The following RTN3 variants were observed in gnomAD, a reference collection of about 807,000 sequenced individuals.
RTN3 encodes the protein reticulon 3, also known as reticulon-3.
A neutral mutation model predicts 77.8 loss-of-function variants in RTN3; 49 were observed. That is an observed-to-expected ratio of 0.63 (90% CI 0.50 to 0.80). The LOEUF is 0.80. Among genes scored for constraint, RTN3 ranks in the 30% least tolerant of loss-of-function variants. The pLI is 0.00. For missense variants in RTN3, 1,236 were observed against 1,211.9 expected (o/e 1.02, Z -0.29); for synonymous variants, 464 against 446.9 (o/e 1.04, Z -0.48).
At chr11:63,722,008 C>G (rs1422209866) in intron 3 of RTN3, among the ~76,000 whole-genome samples, 1 of 152,112 alleles carries the variant, frequency 6.6e-6, no homozygotes, top group East Asian at 1.9e-4. Flanking sequence ...AACCCCTTCT[C>G]TTGTCTTTTA....
At chr11:63,750,427 G>A in intron 4 of RTN3, 2 of 522,184 alleles carry the variant, frequency 3.8e-6, no homozygotes, top group Non-Finnish European at 6.8e-6. Context: ...AGTTCAAAGA[G>A]GGAGTCCTTC....
chr11:63,729,562 A>G (rs997510321), intron 3 of RTN3, among the ~76,000 whole-genome samples: 7 of 150,766 alleles, frequency 4.6e-5, no homozygotes, highest in African/African-American at 1.7e-4. Context: ...GGCTCAAGCA[A>G]TCCTCGTGCC....
chr11:63,702,922 T>G (rs554914781), intron 1 of RTN3, among the ~76,000 whole-genome samples: 1 of 151,878 alleles, frequency 6.6e-6, no homozygotes, highest in East Asian at 1.9e-4. Flanking sequence ...CCTGACCTCG[T>G]GATCTGCCTG....
chr11:63,720,017 A>G lies in RTN3; in HGVS notation c.1515A>G (p.Ile505Met). The G allele has an allele frequency of 6.2e-7, 1 of 1,614,208 alleles. No individual in the cohort carries two copies. The highest frequency in any genetic ancestry group is 8.5e-7 in the Non-Finnish European group (1 of 1,180,030). ...CTGGTGAGTCTGATGACACAGTAAT[A>G]GAGGACATCACAGCAGATACATCAT... Reference protein sequence around the residue: ...DSSGESDDTVIEDITADTSFE... With the variant: ...DSSGESDDTVMEDITADTSFE... The change falls in exon 3 of 9, where the codon ATA becomes ATG. Residue 505 changes from isoleucine to methionine, a missense_variant. By Grantham distance (10) the Ile-to-Met change is conservative. Around this residue, in one of 3 missense-constraint regions of RTN3, gnomAD observed 1,056 missense variants for 990.4 expected, o/e 1.07. Transcript: ENST00000377819.
rs74682007 is a variant in RTN3 at position 63,703,288 on chromosome 11, G to A, written c.143-1563G>A. Among the ~76,000 whole-genome samples, 1,250 of 152,194 alleles carry A rather than the reference G, an allele frequency of 8.2e-3. 17 individuals are homozygous for A. Among genetic ancestry groups the A allele is most frequent in the African/African-American group, 0.029 (1,190 of 41,526 alleles). ...GACTTGAGCATCTTCAGATTTTGGT[G>A]GTGGGGGGTGGTGGTTTTAGAACCA... is the stretch of plus-strand genomic sequence containing the variant. On this transcript the variant is annotated intron_variant, in intron 1 of 8. Coordinates refer to ENST00000377819, the MANE Select transcript of RTN3 (RefSeq NM_001265589.2).
At position 63,752,036 on chromosome 11, in the gene RTN3, T is replaced by C. The variant is rs892289855; in HGVS notation, c.2739-471T>C. The stretch of plus-strand genomic sequence containing the variant: ...AAACCCCCAGTACCCTGTTTTTATG[T>C]GTTCTGGGCTGTTAATTACAAATAC... On this transcript the variant is annotated intron_variant, in intron 4 of 8. Transcript: ENST00000377819. Among the ~76,000 whole-genome samples the C allele has an allele frequency of 2.0e-5, 3 of 152,064 alleles. No individual in the cohort carries two copies. In the East Asian group the frequency reaches 5.8e-4, roughly 29 times the overall value.
chr11:63,683,586 G>T, intron 1 of RTN3, among the ~76,000 whole-genome samples: 1 of 152,174 alleles, frequency 6.6e-6, no homozygotes, highest in East Asian at 1.9e-4. Context: ...TGCACTTATG[G>T]AAGAACTGGC....
rs528334934 is a variant in RTN3, at chr11:63,702,695, T to G, written c.143-2156T>G. Among the ~76,000 whole-genome samples, 9 of 150,794 alleles carry G rather than the reference T, an allele frequency of 6.0e-5. No individual in the cohort carries two copies. The South Asian group carries it at 6.3e-4, about 11-fold the overall frequency. ...GTTTTTGTTTTTTTGTTTTTTTGTT[T>G]TTTTTTTTGAGACGGAGTCTTGCTC... On this transcript the variant is annotated intron_variant, in intron 1 of 8. Coordinates refer to ENST00000377819, the MANE Select transcript of RTN3 (RefSeq NM_001265589.2).
Position 63,719,601 on chromosome 11 carries a change from A to C in RTN3, c.1099A>C (p.Met367Leu), listed in dbSNP as rs769956878. The change falls in exon 3 of 9, where the codon ATG (methionine) becomes CTG (leucine). Residue 367 changes from methionine (M) to leucine (L), a missense_variant. Coordinates refer to ENST00000377819, the MANE Select transcript of RTN3 (RefSeq NM_001265589.2). ...CATCACAAAAACTACAGGACTTGAC[A>C]TGAGTGAATATAATTCAGAAATTCC... is the stretch of plus-strand genomic sequence containing the variant. ...DCITKTTGLDMSEYNSEIPVV... is the reference protein window; with the variant it reads ...DCITKTTGLDLSEYNSEIPVV... The C allele has an allele frequency of 1.9e-6, 3 of 1,613,986 alleles. No homozygotes were observed.
chr11:63,732,495 GAA>G, intron 3 of RTN3, among the ~76,000 whole-genome samples: 2 of 125,212 alleles, frequency 1.6e-5, no homozygotes, highest in African/African-American at 5.8e-5. Context: ...GACTGGACAA[GAA>G]AAAAAAAAAA....
chr11:63,757,785 T>C lies in RTN3; in HGVS notation c.3054-371T>C, dbSNP rs2014460205. On this transcript the variant is annotated intron_variant, in intron 8 of 8. Transcript: ENST00000377819. ...CCCAGGCTGGAGTGCAGTGGTGCGA[T>C]GTCTGCTCACTGCAGCCTCCACCTC... Among the ~76,000 whole-genome samples the C allele has an allele frequency of 3.3e-5, 5 of 150,512 alleles. No individual in the cohort carries two copies. The South Asian group carries it at 1.0e-3, about 32-fold the overall frequency.
chr11:63,747,278 G>C (rs1484708055), intron 3 of RTN3, among the ~76,000 whole-genome samples: 1 of 152,194 alleles, frequency 6.6e-6, no homozygotes, highest in Non-Finnish European at 1.5e-5. Flanking sequence ...TGTTGAAACT[G>C]TTCCTTGTAG....
Position 63,754,796 on chromosome 11 carries a change from G to A in RTN3, c.2994+1088G>A, listed in dbSNP as rs533288981. ...CAAAAAATTAGCCAGGCATGGTGGC[G>A]GGCGCCTGTAGTCCCAGCTACTCAG... On this transcript the variant is annotated intron_variant, in intron 7 of 8. Transcript: ENST00000377819. 1.7e-3 allele frequency among the ~76,000 whole-genome samples: 256 copies of A among 148,860 alleles called. 1 individual carries two copies. Among genetic ancestry groups the A allele is most frequent in the African/African-American group, 6.0e-3 (242 of 40,310 alleles).
intron 2 of RTN3, among the ~76,000 whole-genome samples, chr11:63,706,040 TTTG>T (rs1401656223): frequency 6.6e-6 from 1 of 152,212 alleles, no homozygotes; most frequent in Non-Finnish European, 1.5e-5. Context: ...GTGCAAACAG[TTTG>T]TTGTTACAGG....
chr11:63,715,461 A>C (rs2134791551), intron 2 of RTN3, among the ~76,000 whole-genome samples: 1 of 152,304 alleles, frequency 6.6e-6, no homozygotes, highest in East Asian at 1.9e-4. Context: ...GTTCGAGACC[A>C]GCCTGCGCAA....
At chr11:63,692,909 G>C (rs1261641187) in intron 1 of RTN3, among the ~76,000 whole-genome samples, 2 of 152,090 alleles carry the variant, frequency 1.3e-5, no homozygotes, top group Non-Finnish European at 2.9e-5. Flanking sequence ...ATTTGTCACA[G>C]AATTTTGAGA....
chr11:63,721,449 C>G (rs2011792730), intron 3 of RTN3, among the ~76,000 whole-genome samples: 1 of 151,862 alleles, frequency 6.6e-6, no homozygotes, highest in Admixed American at 6.6e-5. Flanking sequence ...GTGGCGGGCG[C>G]CTGTAGTCCC....
Position 63,720,092 on chromosome 11 carries a change from TGTTGTA to T in RTN3, c.1591_1596del (p.Val531_Val532del). ...AAAAACCTGTTTCCATTCCAAGTGCTGTTGTAAAAACAGGTGAAAGAGAAATCAAAG... is the reference window on the plus strand; with the variant it reads ...AAAAACCTGTTTCCATTCCAAGTGCTAAAACAGGTGAAAGAGAAATCAAAG... On this transcript the variant is annotated inframe_deletion, in exon 3 of 9. Coordinates refer to ENST00000377819, the MANE Select transcript of RTN3 (RefSeq NM_001265589.2). 1.2e-6 allele frequency: 2 copies of T among 1,613,622 alleles called. No individual in the cohort carries two copies. The highest frequency in any genetic ancestry group is 1.7e-6 in the Non-Finnish European group (2 of 1,179,910).
In RTN3 at chr11:63,681,543, T is replaced by G; in HGVS notation, c.-94T>G. 1 of 1,331,302 alleles carries G rather than the reference T, an allele frequency of 7.5e-7. No homozygotes were observed. Among genetic ancestry groups the G allele is most frequent in the South Asian group, 1.5e-5 (1 of 67,232 alleles). 82.5% of individuals were successfully genotyped at this position (1,331,302 alleles called of 1,614,324 possible). A position where few individuals can be genotyped will look rare whatever the true frequency, so the allele number is the denominator to read the frequency against. On this transcript the variant is annotated 5_prime_UTR_variant, in exon 1 of 9. Coordinates refer to ENST00000377819, the MANE Select transcript of RTN3 (RefSeq NM_001265589.2). Reference sequence around the variant, plus strand: ...CTCGGAGCAGGCGGAGTAAAGGGACTTGAGCGAGCCAGTTGCCGGATTATT... The same window carrying G: ...CTCGGAGCAGGCGGAGTAAAGGGACGTGAGCGAGCCAGTTGCCGGATTATT...
Sources: gnomAD v4.1 joint callset for allele counts (sites outside exome capture counted in the v4.1 genomes callset) on GRCh38, gnomAD v4.1.1 for gene constraint, gnomAD v4.1.1 regional missense constraint, MANE v1.5 for transcripts, NCBI Gene and HGNC (gene_info 2026-07-23, HGNC 2026-07-21) for gene names.